Variants in ROBO1 observed in about 807,000 individuals in gnomAD.
ROBO1 encodes roundabout guidance receptor 1.
A neutral mutation model predicts 195.9 loss-of-function variants in ROBO1; 149 were observed. The ratio of observed to expected loss-of-function variants is 0.76; its 90% CI spans 0.67 to 0.87. The LOEUF is 0.87. Among genes scored for constraint, ROBO1 ranks in the 40% least tolerant of loss-of-function variants. The pLI is 0.00. For synonymous variants in ROBO1, 816 were observed against 733.2 expected (o/e 1.11, Z -1.82); for missense variants, 1,933 against 2,068.3 (o/e 0.93, Z 1.27).
At chr3:78,817,359 A>G (rs554341528) in intron 4 of ROBO1, among the ~76,000 whole-genome samples, 5 of 152,220 alleles carry the variant, frequency 3.3e-5, no homozygotes, top group South Asian at 4.1e-4. Flanking sequence ...TTTTTTTAAG[A>G]TAACAGTTCG....
At chr3:79,658,158 T>C (rs553743380) in intron 1 of ROBO1, among the ~76,000 whole-genome samples, 14 of 152,270 alleles carry the variant, frequency 9.2e-5, no homozygotes, top group African/African-American at 3.4e-4. Context: ...TAATGTTTAG[T>C]TCATATTTGA....
chr3:79,321,748 A>T (rs2033990060), intron 2 of ROBO1, among the ~76,000 whole-genome samples: 1 of 152,210 alleles, frequency 6.6e-6, no homozygotes, highest in African/African-American at 2.4e-5. Flanking sequence ...CAGGCAGATC[A>T]AAACAGAGAA....
intron 2 of ROBO1, among the ~76,000 whole-genome samples, chr3:79,352,534 A>G (rs1487108947): frequency 6.6e-6 from 1 of 152,194 alleles, no homozygotes; most frequent in Non-Finnish European, 1.5e-5. Context: ...ATGCATATGT[A>G]TCTAATTCTG....
At chr3:79,344,137 C>T (rs982105173) in intron 2 of ROBO1, among the ~76,000 whole-genome samples, 1 of 152,016 alleles carries the variant, frequency 6.6e-6, no homozygotes, top group Non-Finnish European at 1.5e-5. Context: ...TGATATAATT[C>T]GGGTGTAAAA....
chr3:79,687,378 C>T (rs1479516562), intron 1 of ROBO1, among the ~76,000 whole-genome samples: 1 of 152,098 alleles, frequency 6.6e-6, no homozygotes, highest in African/African-American at 2.4e-5. Context: ...CAAATGGGAT[C>T]TAATTAAACT....
chr3:79,507,477 G>A (rs969779734), intron 2 of ROBO1, among the ~76,000 whole-genome samples: 5 of 152,202 alleles, frequency 3.3e-5, no homozygotes, highest in African/African-American at 1.2e-4. Context: ...GTTCTTCAGA[G>A]CCTTTCAGTA....
rs546226481 is a variant in ROBO1, at chr3:79,567,282, C to T, written c.88+22542G>A. 5.3e-5 allele frequency among the ~76,000 whole-genome samples: 8 copies of T among 152,078 alleles called. No individual in the cohort carries two copies. In the South Asian group the frequency reaches 1.5e-3, roughly 28 times the overall value. ...TAGAGAATGGGAAGAGGAAGAGTAT[C>T]GGGCACTAGGCTTAATACCTGGGTG... On this transcript the variant is annotated intron_variant, in intron 2 of 30. Transcript: ENST00000464233.
At chr3:79,243,295 C>A (rs1449086211) in intron 2 of ROBO1, among the ~76,000 whole-genome samples, 1 of 152,004 alleles carries the variant, frequency 6.6e-6, no homozygotes, top group Admixed American at 6.6e-5. Flanking sequence ...TATAAACATA[C>A]GTGTGCATGT....
At chr3:79,550,202 A>AAAGAAAGAAAGG in intron 2 of ROBO1, among the ~76,000 whole-genome samples, 1 of 103,136 alleles carries the variant, frequency 9.7e-6, no homozygotes, top group African/African-American at 4.4e-5. Flanking sequence ...AAAGGAAAAG[A>AAAGAAAGAAAGG]AAAGAAAAGA....
chr3:78,644,259 C>G (rs1369745005), intron 21 of ROBO1, among the ~76,000 whole-genome samples: 1 of 151,990 alleles, frequency 6.6e-6, no homozygotes. Context: ...TGATATTGTA[C>G]AGCTGACTTT....
At chr3:78,616,081 C>G (rs1268874485) in intron 27 of ROBO1, among the ~76,000 whole-genome samples, 4 of 152,110 alleles carry the variant, frequency 2.6e-5, no homozygotes, top group Non-Finnish European at 4.4e-5. Flanking sequence ...AGACTGAACC[C>G]ATTATTCATT....
chr3:78,729,726 T>TCCTATA (rs2082245033), intron 5 of ROBO1, among the ~76,000 whole-genome samples: 3 of 152,172 alleles, frequency 2.0e-5, no homozygotes, highest in Non-Finnish European at 4.4e-5. Context: ...GGAGGCAATA[T>TCCTATA]AAAGAGTGGT....
intron 3 of ROBO1, among the ~76,000 whole-genome samples, chr3:79,053,709 C>A (rs115295536): frequency 2.6e-5 from 4 of 151,378 alleles, no homozygotes; most frequent in Admixed American, 2.0e-4. Context: ...GCTCTGACCC[C>A]CTCACCCTCA....
At chr3:79,587,856 C>T (rs887453434) in intron 2 of ROBO1, among the ~76,000 whole-genome samples, 15 of 151,688 alleles carry the variant, frequency 9.9e-5, no homozygotes, top group African/African-American at 3.4e-4. Context: ...GCCAGTGCTC[C>T]TAGATGGAGG....
intron 1 of ROBO1, among the ~76,000 whole-genome samples, chr3:79,726,519 A>G (rs866154232): frequency 1.3e-5 from 2 of 152,192 alleles, no homozygotes; most frequent in South Asian, 2.1e-4. Context: ...CATTATGACT[A>G]TGCCATAATC....
Position 79,697,969 on chromosome 3 carries a change from A to T in ROBO1, c.-51+69783T>A, listed in dbSNP as rs187684076. Among the ~76,000 whole-genome samples, 874 of 151,662 alleles carry T rather than the reference A, an allele frequency of 5.8e-3. 14 individuals carry two copies. The highest frequency in any genetic ancestry group is 0.018 in the African/African-American group (746 of 41,514). On this transcript the variant is annotated intron_variant, in intron 1 of 30. Coordinates refer to ENST00000464233, the MANE Select transcript of ROBO1 (RefSeq NM_002941.4). Reference sequence around the variant, plus strand: ...ATCTAATATTTTTAAAACATAAATTAAAAAATGTTAGATTTTAAAGATTTT... The same window carrying T: ...ATCTAATATTTTTAAAACATAAATTTAAAAATGTTAGATTTTAAAGATTTT...
At chr3:79,590,589 G>A (rs771817812) in intron 1 of ROBO1, among the ~76,000 whole-genome samples, 11 of 151,680 alleles carry the variant, frequency 7.3e-5, no homozygotes, top group Non-Finnish European at 1.0e-4. Flanking sequence ...ACAGCACAAA[G>A]CTACAAAAAT....
intron 4 of ROBO1, among the ~76,000 whole-genome samples, chr3:78,922,095 T>C (rs567562610): frequency 2.0e-5 from 3 of 152,182 alleles, no homozygotes; most frequent in South Asian, 2.1e-4. Flanking sequence ...AAATCAAATA[T>C]ACAAAAGATA....
At chr3:79,618,986 T>C (rs1944912210) in intron 1 of ROBO1, among the ~76,000 whole-genome samples, 1 of 152,218 alleles carries the variant, frequency 6.6e-6, no homozygotes, top group South Asian at 2.1e-4. Flanking sequence ...TCCCTTTGTG[T>C]CTGATCATCA....
Sources: allele counts gnomAD v4.1 joint callset (sites outside exome capture counted in the v4.1 genomes callset), GRCh38; gene constraint gnomAD v4.1.1; transcripts MANE v1.5; gene names NCBI Gene and HGNC (gene_info 2026-07-23, HGNC 2026-07-21).